Variants in TTC1 observed in about 807,000 individuals in gnomAD.
The protein encoded by TTC1 is tetratricopeptide repeat domain 1, also known as tetratricopeptide repeat protein 1.
Under a neutral mutation model 37.6 loss-of-function variants are expected in TTC1, and 31 were observed. The observed-to-expected ratio is 0.82, with a 90% CI of 0.62 to 1.11. The LOEUF is 1.11. Ranked by LOEUF, TTC1 falls within the 50% of genes most tolerant of loss-of-function variation. The pLI, the probability that TTC1 is intolerant of heterozygous loss-of-function variation, is 0.00. For missense variants in TTC1, 351 were observed against 339.0 expected, an observed-to-expected ratio of 1.04 and a Z score of -0.28; for synonymous variants, 127 against 122.4, an observed-to-expected ratio of 1.04 and a Z score of -0.25.
chr5:160,015,936 G>C (rs1177984002), intron 2 of TTC1, among the ~76,000 whole-genome samples: 2 of 152,212 alleles, frequency 1.3e-5, no homozygotes, highest in Non-Finnish European at 2.9e-5. Context: ...CTCCGTTGGT[G>C]TCCATTGGAG....
chr5:160,016,678 G>T (rs979658508), intron 2 of TTC1, among the ~76,000 whole-genome samples: 1 of 151,834 alleles, frequency 6.6e-6, no homozygotes, highest in Admixed American at 6.6e-5. Flanking sequence ...TCCATTTTAA[G>T]AATATAAATA....
intron 5 of TTC1, among the ~76,000 whole-genome samples, chr5:160,047,671 G>C (rs964530902): frequency 1.3e-4 from 19 of 151,998 alleles, no homozygotes; most frequent in African/African-American, 4.6e-4. Flanking sequence ...CCTTTCCCTG[G>C]CCAGGAAGGT....
chr5:160,038,204 A>G (rs1757029165), intron 4 of TTC1, among the ~76,000 whole-genome samples: 1 of 152,192 alleles, frequency 6.6e-6, no homozygotes, highest in Non-Finnish European at 1.5e-5. Context: ...AACATTTTGT[A>G]TTAGAGAAAA....
chr5:160,049,720 G>GA, intron 6 of TTC1, 58 bp downstream of exon 6: 1 of 1,347,768 alleles, frequency 7.4e-7, no homozygotes, highest in East Asian at 2.6e-5. Flanking sequence ...GCTACCCAGT[G>GA]AGTCCTAAAT....
intron 6 of TTC1, 126 bp from the exon 7 acceptor site, chr5:160,051,003 A>G: frequency 1.5e-6 from 1 of 678,862 alleles, no homozygotes; most frequent in South Asian, 2.2e-5. Context: ...TAATAGGATC[A>G]TAGACATACT....
At chr5:160,052,339 A>C (rs963877097) in intron 7 of TTC1, among the ~76,000 whole-genome samples, 1 of 152,074 alleles carries the variant, frequency 6.6e-6, no homozygotes, top group Non-Finnish European at 1.5e-5. Context: ...CCCCATCTCC[A>C]CAAAAAATTA....
chr5:160,055,843 G>A (rs984935278), intron 7 of TTC1, among the ~76,000 whole-genome samples: 10 of 152,216 alleles, frequency 6.6e-5, no homozygotes, highest in African/African-American at 2.2e-4. Flanking sequence ...TCTTTGTGTT[G>A]TAGCTGCAGC....
intron 4 of TTC1, among the ~76,000 whole-genome samples, chr5:160,040,265 T>TACAC (rs34348207): frequency 7.3e-5 from 11 of 150,832 alleles, no homozygotes; most frequent in Non-Finnish European, 1.2e-4. Context: ...CACATATGTA[T>TACAC]ACACACACAC....
At chr5:160,010,121 G>A (rs1487572415) in intron 1 of TTC1, among the ~76,000 whole-genome samples, 2 of 152,068 alleles carry the variant, frequency 1.3e-5, no homozygotes, top group Non-Finnish European at 2.9e-5. Flanking sequence ...GGCCAGGCGC[G>A]GTGGCAGGCG....
At chr5:160,058,496 C>T (rs1416723151) in intron 7 of TTC1, among the ~76,000 whole-genome samples, 10 of 151,140 alleles carry the variant, frequency 6.6e-5, no homozygotes, top group African/African-American at 2.2e-4. Context: ...GTGCAAGCTC[C>T]GCCTCCTGGG....
At chr5:160,043,443 G>A (rs759671790) in intron 5 of TTC1, among the ~76,000 whole-genome samples, 1 of 152,082 alleles carries the variant, frequency 6.6e-6, no homozygotes, top group Non-Finnish European at 1.5e-5. Flanking sequence ...CCAAAAATAC[G>A]AAAGTTAGGC....
intron 4 of TTC1, among the ~76,000 whole-genome samples, chr5:160,041,781 A>C (rs1757099673): frequency 6.6e-6 from 1 of 152,206 alleles, no homozygotes; most frequent in Non-Finnish European, 1.5e-5. Context: ...TTTTATACAC[A>C]GTCTATCATT....
chr5:160,043,972 G>GTTGTT (rs1299546159), intron 5 of TTC1, among the ~76,000 whole-genome samples: 3 of 152,116 alleles, frequency 2.0e-5, no homozygotes, highest in Non-Finnish European at 2.9e-5. Context: ...GTGTTTTGGG[G>GTTGTT]TTGTTTTGTT....
At chr5:160,053,077 G>A (rs1363091509) in intron 7 of TTC1, among the ~76,000 whole-genome samples, 1 of 152,106 alleles carries the variant, frequency 6.6e-6, no homozygotes, top group Non-Finnish European at 1.5e-5. Context: ...TGGAATTTCA[G>A]CCCCCACAAG....
At chr5:160,060,001 A>G (rs909887286) in intron 7 of TTC1, among the ~76,000 whole-genome samples, 2 of 152,258 alleles carry the variant, frequency 1.3e-5, no homozygotes, top group African/African-American at 2.4e-5. Context: ...GTCTGCCTGT[A>G]TAAGAATTTC....
chr5:160,020,116 A>G (rs929060362), intron 2 of TTC1, among the ~76,000 whole-genome samples: 1 of 151,694 alleles, frequency 6.6e-6, no homozygotes, highest in Non-Finnish European at 1.5e-5. Context: ...TTTAGTAGAG[A>G]CGGAGTTTCA....
At chr5:160,061,707 AT>A (rs1161329092) in intron 7 of TTC1, 1 of 152,046 alleles carries the variant, frequency 6.6e-6, no homozygotes, top group Non-Finnish European at 1.5e-5. Context: ...CTAATGTGAA[AT>A]GTTATAAAGG....
In TTC1 at chr5:160,064,990, T is replaced by C; in HGVS notation, c.804T>C (p.Asn268=). The change falls in exon 8 of 8, where the codon AAT becomes AAC. Residue 268 remains asparagine (N), a synonymous_variant. Coordinates refer to ENST00000231238, the MANE Select transcript of TTC1 (RefSeq NM_003314.3). The part of the protein sequence containing the change: ...VLRPFGLSTE[N]FQIKQDSSTG... The stretch of plus-strand genomic sequence containing the variant: ...GACCTTTTGGGCTCTCCACGGAAAA[T>C]TTCCAGATCAAACAGGATTCCTCTA... 6.2e-7 allele frequency: 1 copy of C among 1,614,048 alleles called. No individual in the cohort carries two copies. Among genetic ancestry groups the C allele is most frequent in the South Asian group, 1.1e-5 (1 of 91,054 alleles).
intron 2 of TTC1, among the ~76,000 whole-genome samples, chr5:160,017,898 G>A (rs1756634736): frequency 6.6e-6 from 1 of 152,210 alleles, no homozygotes; most frequent in African/African-American, 2.4e-5. Flanking sequence ...TTGAGGCCCT[G>A]AGGGATACAG....
Sources: gnomAD v4.1 joint callset for allele counts (sites outside exome capture counted in the v4.1 genomes callset) on GRCh38, gnomAD v4.1.1 for gene constraint, MANE v1.5 for transcripts, NCBI Gene and HGNC (gene_info 2026-07-23, HGNC 2026-07-21) for gene names.